SEC24C: variants seen among roughly 807,000 people sequenced by gnomAD.
SEC24C encodes protein transport protein Sec24C.
In SEC24C, 22 loss-of-function variants were observed where a neutral mutation model predicts 117.0. That is an observed-to-expected ratio of 0.19 (90% CI 0.13 to 0.27). The LOEUF (loss-of-function observed/expected upper bound fraction) is 0.27. SEC24C is among the 10% of genes least tolerant of loss of function. The pLI is 1.00. For missense variants in SEC24C, 1,155 were observed against 1,375.1 expected, an observed-to-expected ratio of 0.84 and a Z score of 2.53; for synonymous variants, 506 against 529.4, an observed-to-expected ratio of 0.96 and a Z score of 0.61.
At chr10:73,768,583 AG>A (rs1194092680) in intron 15 of SEC24C, among the ~76,000 whole-genome samples, 3 of 152,196 alleles carry the variant, frequency 2.0e-5, no homozygotes, top group Non-Finnish European at 4.4e-5. Flanking sequence ...AAAATACTTA[AG>A]TAGGATTTGT....
rs1010445730 is a variant in SEC24C, at chr10:73,763,737, G to C, written c.1100-119G>C. 16 of 1,020,836 alleles carry C rather than the reference G, an allele frequency of 1.6e-5. No individual in the cohort carries two copies. The Admixed American group carries it at 1.8e-4, about 12-fold the overall frequency. 63.2% of individuals were successfully genotyped at this position (1,020,836 alleles called of 1,614,324 possible). On this transcript the variant is annotated intron_variant, in intron 7 of 22. Transcript: ENST00000345254. Reference sequence around the variant, plus strand: ...GAGACAAGTTCCCTCTAGTCCCTCTGGGGGAAAAAGCCACCATCACCTCTA... The same window carrying C: ...GAGACAAGTTCCCTCTAGTCCCTCTCGGGGAAAAAGCCACCATCACCTCTA...
intron 7 of SEC24C, 24 bp downstream of exon 7, chr10:73,763,625 C>T: frequency 7.4e-7 from 1 of 1,356,044 alleles, no homozygotes; most frequent in Non-Finnish European, 1.0e-6. Context: ...TAGCTCCTCC[C>T]ACAGGGGCTT....
intron 1 of SEC24C, among the ~76,000 whole-genome samples, chr10:73,745,548 C>CTTTATTT (rs60715941): frequency 0.49 from 73,937 of 149,718 alleles, 19,521 homozygotes; most frequent in Middle Eastern, 0.64. Flanking sequence ...TTCAGGTGTC[C>CTTTATTT]TTTATTTTTT....
In SEC24C at chr10:73,765,435, C is replaced by T; in HGVS notation, c.1228-16C>T. On this transcript the variant is annotated splice_polypyrimidine_tract_variant and intron_variant, in intron 8 of 22. Coordinates refer to ENST00000345254, the MANE Select transcript of SEC24C (RefSeq NM_198597.3). The stretch of plus-strand genomic sequence containing the variant: ...GGTTTTCCTTTATGTCTGATCCCTT[C>T]CCCTTTGCGCCTTAGGCTTCACCGT... 1 of 1,604,752 alleles carries T rather than the reference C, an allele frequency of 6.2e-7. No homozygotes were observed. The highest frequency in any genetic ancestry group is 8.5e-7 in the Non-Finnish European group (1 of 1,172,120).
Position 73,769,018 on chromosome 10 carries a change from G to A in SEC24C, c.2290G>A (p.Val764Ile). ...CCATGTGGCCTCAGGTATCCGTGCT[G>A]TAGATTTCTTTGGAGCTTTCTACAT... is the stretch of plus-strand genomic sequence containing the variant. Reference protein sequence around the residue: ...RVRTSTGIRAVDFFGAFYMSN... With the variant: ...RVRTSTGIRAIDFFGAFYMSN... The change falls in exon 17 of 23, where the codon GTA becomes ATA. Residue 764 changes from valine to isoleucine, a missense_variant. By Grantham distance (29) the Val-to-Ile change is conservative. Coordinates refer to ENST00000345254, the MANE Select transcript of SEC24C (RefSeq NM_198597.3). This position sits in a 1 kb window ranked among gnomAD's most constrained non-coding sequence, Gnocchi z 4.5. 2 of 1,614,232 alleles carry A rather than the reference G, an allele frequency of 1.2e-6. No individual in the cohort carries two copies. Among genetic ancestry groups the A allele is most frequent in the Non-Finnish European group, 1.7e-6 (2 of 1,180,048 alleles).
At chr10:73,759,476 A>G (rs2082761423) in intron 3 of SEC24C, 146 bp from the exon 4 acceptor site, 3 of 494,734 alleles carry the variant, frequency 6.1e-6, no homozygotes, top group Non-Finnish European at 6.6e-6. Flanking sequence ...CCACAAATAT[A>G]CAAAAGTATG....
intron 15 of SEC24C, among the ~76,000 whole-genome samples, chr10:73,768,240 CG>C (rs1565048449): frequency 6.6e-6 from 1 of 152,124 alleles, no homozygotes; most frequent in African/African-American, 2.4e-5. Context: ...AAAAATTAGT[CG>C]GGTGTGGTGG....
intron 3 of SEC24C, among the ~76,000 whole-genome samples, chr10:73,755,152 A>G (rs2082692651): frequency 6.6e-6 from 1 of 152,022 alleles, no homozygotes. Flanking sequence ...AAAAAAAAAC[A>G]AAAGACAATG....
chr10:73,748,226 C>T (rs1434538619), intron 2 of SEC24C, among the ~76,000 whole-genome samples: 3 of 151,948 alleles, frequency 2.0e-5, no homozygotes, highest in African/African-American at 7.3e-5. Context: ...ACCTCCGCCT[C>T]CCAGATTCAA....
intron 8 of SEC24C, among the ~76,000 whole-genome samples, chr10:73,764,645 T>G (rs528464481): frequency 6.6e-6 from 1 of 152,340 alleles, no homozygotes; most frequent in East Asian, 1.9e-4. Flanking sequence ...CATGTTTTCC[T>G]GACTGTCCTG....
chr10:73,754,538 T>TG (rs1294831172), intron 3 of SEC24C, among the ~76,000 whole-genome samples: 2 of 152,166 alleles, frequency 1.3e-5, no homozygotes, highest in East Asian at 3.9e-4. Flanking sequence ...TCAGTATCCA[T>TG]GGGGGAATGG....
chr10:73,766,682 C>T (rs996372033), intron 12 of SEC24C, 78 bp from the exon 13 acceptor site: 112 of 1,471,116 alleles, frequency 7.6e-5, no homozygotes, highest in Middle Eastern at 6.9e-4. Flanking sequence ...GGCTTGATGA[C>T]TCTTCAGGGA....
At chr10:73,750,364 G>A (rs1007943429) in intron 2 of SEC24C, among the ~76,000 whole-genome samples, 10 of 152,314 alleles carry the variant, frequency 6.6e-5, no homozygotes, top group Admixed American at 5.9e-4. Flanking sequence ...GTAACTAATT[G>A]CTTTCTCCCT....
intron 1 of SEC24C, 84 bp from the exon 2 acceptor site, chr10:73,746,721 A>G: frequency 2.2e-6 from 2 of 894,110 alleles, no homozygotes; most frequent in South Asian, 2.1e-5. Context: ...GATAAGGTCA[A>G]TTTCTTTTTA....
chr10:73,745,641 C>T (rs1158670387), intron 1 of SEC24C, among the ~76,000 whole-genome samples: 4 of 151,702 alleles, frequency 2.6e-5, no homozygotes, highest in African/African-American at 7.3e-5. Context: ...CTCCGCCTCC[C>T]GGGTTCAAGC....
chr10:73,761,980 C>G, intron 6 of SEC24C: 1 of 590,194 alleles, frequency 1.7e-6, no homozygotes, highest in Non-Finnish European at 2.8e-6. Flanking sequence ...GCAATATGAG[C>G]TGGGCTCCAG....
At chr10:73,766,255 G>C (rs374857675) in intron 11 of SEC24C, 45 bp downstream of exon 11, 1 of 1,593,538 alleles carries the variant, frequency 6.3e-7, no homozygotes, top group Non-Finnish European at 8.6e-7. Context: ...TAATGATAGG[G>C]TGTCTGGGTT....
chr10:73,753,469 A>T (rs1334842873), intron 3 of SEC24C, among the ~76,000 whole-genome samples: 1 of 152,190 alleles, frequency 6.6e-6, no homozygotes, highest in Non-Finnish European at 1.5e-5. Context: ...CAGATTTTTG[A>T]GACCAGCCTG....
At chr10:73,757,943 A>C (rs961278784) in intron 3 of SEC24C, among the ~76,000 whole-genome samples, 62 of 150,384 alleles carry the variant, frequency 4.1e-4, no homozygotes, top group African/African-American at 1.1e-3. Flanking sequence ...AAAAAAAAAA[A>C]AAAAACGTAA....
Sources: allele counts gnomAD v4.1 joint callset (sites outside exome capture counted in the v4.1 genomes callset), GRCh38; gene constraint gnomAD v4.1.1; non-coding constraint Gnocchi (gnomAD v3.1); transcripts MANE v1.5; gene names NCBI Gene and HGNC (gene_info 2026-07-23, HGNC 2026-07-21).